Variants in DLG2 observed in about 807,000 individuals in gnomAD.
DLG2 encodes disks large homolog 2.
A neutral mutation model predicts 132.5 loss-of-function variants in DLG2; 45 were observed. The observed-to-expected ratio is 0.34, with a 90% CI of 0.27 to 0.44. The LOEUF is 0.44. Ranked by LOEUF, DLG2 falls within the 20% of genes least tolerant of loss-of-function variation. The pLI, the probability that DLG2 is intolerant of heterozygous loss-of-function variation, is 1.00. For missense variants in DLG2, 1,045 were observed against 1,196.9 expected (o/e 0.87, Z 1.87); for synonymous variants, 424 against 419.6 (o/e 1.01, Z -0.13).
intron 7 of DLG2, among the ~76,000 whole-genome samples, chr11:84,384,959 G>T (rs79252245): frequency 0.016 from 2,359 of 152,180 alleles, 81 homozygotes; most frequent in South Asian, 0.13. Flanking sequence ...AGGTGCAGGG[G>T]TTGGATGGAG....
intron 11 of DLG2, among the ~76,000 whole-genome samples, chr11:84,053,901 A>G (rs1028472588): frequency 6.6e-6 from 1 of 152,038 alleles, no homozygotes; most frequent in Non-Finnish European, 1.5e-5. Flanking sequence ...TTACACTGAT[A>G]CAGAGCTCTG....
intron 11 of DLG2, among the ~76,000 whole-genome samples, chr11:84,029,905 C>A (rs758333236): frequency 6.6e-6 from 1 of 152,086 alleles, no homozygotes; most frequent in African/African-American, 2.4e-5. Flanking sequence ...TCTGAAAAGG[C>A]CTTCCTTGAC....
chr11:85,623,189 T>C (rs945765517), intron 2 of DLG2, among the ~76,000 whole-genome samples: 2 of 152,058 alleles, frequency 1.3e-5, no homozygotes, highest in Non-Finnish European at 2.9e-5. Context: ...TTTATATATA[T>C]ATTATATCAC....
chr11:84,021,566 T>A (rs1366328779), intron 11 of DLG2, among the ~76,000 whole-genome samples: 1 of 152,168 alleles, frequency 6.6e-6, no homozygotes, highest in South Asian at 2.1e-4. Flanking sequence ...CAGCAGCAAC[T>A]GCTTAGGAAG....
At chr11:85,518,314 C>T (rs2094209850) in intron 3 of DLG2, among the ~76,000 whole-genome samples, 1 of 152,120 alleles carries the variant, frequency 6.6e-6, no homozygotes, top group Admixed American at 6.6e-5. Flanking sequence ...GTGATATAGA[C>T]AATAAGGTCC....
intron 5 of DLG2, among the ~76,000 whole-genome samples, chr11:85,125,625 G>A (rs1057172352): frequency 3.3e-5 from 5 of 152,102 alleles, no homozygotes; most frequent in African/African-American, 7.2e-5. Flanking sequence ...AATCAGGAGA[G>A]AATAATAGTG....
intron 6 of DLG2, among the ~76,000 whole-genome samples, chr11:84,641,613 G>A (rs535931492): frequency 6.6e-6 from 1 of 152,116 alleles, no homozygotes; most frequent in Non-Finnish European, 1.5e-5. Flanking sequence ...TATATGCTTC[G>A]CTTCAGTGAG....
chr11:84,328,878 T>C (rs999589722), intron 7 of DLG2, among the ~76,000 whole-genome samples: 1 of 152,228 alleles, frequency 6.6e-6, no homozygotes, highest in Non-Finnish European at 1.5e-5. Flanking sequence ...TCCTCTGGGC[T>C]TATATCATTT....
At chr11:84,798,730 A>G (rs1428362507) in intron 6 of DLG2, among the ~76,000 whole-genome samples, 2 of 152,184 alleles carry the variant, frequency 1.3e-5, no homozygotes, top group Admixed American at 6.5e-5. Context: ...CCCAAAGCAT[A>G]CTACCTGGCT....
At chr11:84,700,845 G>A (rs553573451) in intron 6 of DLG2, among the ~76,000 whole-genome samples, 7 of 151,520 alleles carry the variant, frequency 4.6e-5, no homozygotes, top group Non-Finnish European at 8.9e-5. Flanking sequence ...TTGGTTTCTG[G>A]CTACCCTGAC....
At chr11:84,819,084 C>A (rs867204367) in intron 6 of DLG2, among the ~76,000 whole-genome samples, 1 of 146,620 alleles carries the variant, frequency 6.8e-6, no homozygotes, top group East Asian at 2.0e-4. Flanking sequence ...AATACACACA[C>A]ACACACACAC....
intron 5 of DLG2, among the ~76,000 whole-genome samples, chr11:85,119,112 T>C (rs899748097): frequency 6.6e-6 from 1 of 151,938 alleles, no homozygotes; most frequent in Non-Finnish European, 1.5e-5. Flanking sequence ...AAAAAGTACA[T>C]GAAAGCGCTT....
chr11:84,184,490 A>G (rs12795780), intron 8 of DLG2, among the ~76,000 whole-genome samples: 3 of 151,914 alleles, frequency 2.0e-5, no homozygotes, highest in South Asian at 2.1e-4. Flanking sequence ...AGATGAGTAG[A>G]TTGCAAAAAT....
chr11:83,886,749 T>C (rs1305890210), intron 15 of DLG2, among the ~76,000 whole-genome samples: 6 of 152,126 alleles, frequency 3.9e-5, no homozygotes, highest in Admixed American at 3.3e-4. Flanking sequence ...ACAAACTGTC[T>C]CTCAGACCAC....
intron 19 of DLG2, among the ~76,000 whole-genome samples, chr11:83,543,123 C>T (rs1218875156): frequency 6.6e-6 from 1 of 152,102 alleles, no homozygotes; most frequent in East Asian, 1.9e-4. Flanking sequence ...TTAATTGCAA[C>T]GTAGTCCCTT....
chr11:84,207,872 T>C (rs2096694696), intron 8 of DLG2, among the ~76,000 whole-genome samples: 1 of 152,128 alleles, frequency 6.6e-6, no homozygotes, highest in African/African-American at 2.4e-5. Context: ...GCAAAACATG[T>C]TTATGAAAAA....
chr11:84,642,003 G>GTT, intron 6 of DLG2, among the ~76,000 whole-genome samples: 1 of 141,352 alleles, frequency 7.1e-6, no homozygotes, highest in African/African-American at 2.8e-5. Context: ...GTGTGGATAT[G>GTT]TTTTATATAT....
At chr11:85,093,406 ACT>A (rs2069160924) in intron 6 of DLG2, among the ~76,000 whole-genome samples, 1 of 152,092 alleles carries the variant, frequency 6.6e-6, no homozygotes, top group Non-Finnish European at 1.5e-5. Flanking sequence ...GTACACTCAG[ACT>A]CACACACTAA....
chr11:84,033,192 G>C lies in DLG2; in HGVS notation c.919+26123C>G, dbSNP rs36086447. Among the ~76,000 whole-genome samples, 829 of 152,290 alleles carry C rather than the reference G, an allele frequency of 5.4e-3. 9 individuals are homozygous for C. The highest frequency in any genetic ancestry group is 1.0e-2 in the Non-Finnish European group (677 of 68,016). Reference sequence around the variant, plus strand: ...GAAAGCTATAGCTGCCATAAATTGTGATTCCTCTGATGCATCTGAGTAAAG... The same window carrying C: ...GAAAGCTATAGCTGCCATAAATTGTCATTCCTCTGATGCATCTGAGTAAAG... On this transcript the variant is annotated intron_variant, in intron 11 of 27. Coordinates refer to ENST00000376104, the MANE Select transcript of DLG2 (RefSeq NM_001142699.3).
Sources: gnomAD v4.1 joint callset for allele counts (sites outside exome capture counted in the v4.1 genomes callset) on GRCh38, gnomAD v4.1.1 for gene constraint, MANE v1.5 for transcripts, NCBI Gene and HGNC (gene_info 2026-07-23, HGNC 2026-07-21) for gene names.